LRMDA: variants seen among roughly 807,000 people sequenced by gnomAD.
LRMDA encodes leucine rich melanocyte differentiation associated, also known as leucine-rich melanocyte differentiation-associated protein.
LRMDA carries 18 observed loss-of-function variants against 29.8 expected under a neutral mutation model. That is an observed-to-expected ratio of 0.60 (90% CI 0.42 to 0.90). The LOEUF is 0.90. Ranked by LOEUF, LRMDA falls within the 40% of genes least tolerant of loss-of-function variation. The pLI is 0.00. For missense variants in LRMDA, 273 were observed against 273.9 expected, an observed-to-expected ratio of 1.00 and a Z score of 0.02; for synonymous variants, 125 against 109.4, an observed-to-expected ratio of 1.14 and a Z score of -0.89.
intron 2 of LRMDA, among the ~76,000 whole-genome samples, chr10:75,982,017 G>T (rs570593395): frequency 1.3e-5 from 2 of 152,236 alleles, no homozygotes; most frequent in African/African-American, 4.8e-5. Context: ...GGCCTCCAGT[G>T]TTTCTCTTCT....
chr10:75,856,197 G>T (rs569953696), intron 2 of LRMDA, among the ~76,000 whole-genome samples: 1 of 152,286 alleles, frequency 6.6e-6, no homozygotes, highest in Non-Finnish European at 1.5e-5. Flanking sequence ...CTACCCATGA[G>T]CATGGAATGT....
rs117969589 is a variant in LRMDA at position 75,961,994 on chromosome 10, C to T, written c.132-74014C>T. Among the ~76,000 whole-genome samples the T allele has an allele frequency of 9.1e-4, 139 of 152,248 alleles. No homozygotes were observed. In the East Asian group the frequency reaches 0.014, roughly 16 times the overall value. ...GCCTCCATCTTCACCTGGCATCTCC[C>T]CGTGTGCATGTCTGTATCCAAATCT... On this transcript the variant is annotated intron_variant, in intron 2 of 6. Transcript: ENST00000611255.
chr10:76,441,308 AT>A (rs1462793241), intron 6 of LRMDA, among the ~76,000 whole-genome samples: 2 of 152,212 alleles, frequency 1.3e-5, no homozygotes, highest in South Asian at 2.1e-4. Context: ...TCAGGAGACA[AT>A]GTGGGGTGAC....
intron 6 of LRMDA, among the ~76,000 whole-genome samples, chr10:76,550,747 A>C (rs1456753615): frequency 6.6e-6 from 1 of 152,092 alleles, no homozygotes; most frequent in African/African-American, 2.4e-5. Flanking sequence ...TGAAGGGAAA[A>C]TATACTGGGT....
At chr10:76,353,519 T>G (rs2132435074) in intron 6 of LRMDA, among the ~76,000 whole-genome samples, 1 of 152,276 alleles carries the variant, frequency 6.6e-6, no homozygotes, top group African/African-American at 2.4e-5. Context: ...AGTCTGATGA[T>G]GACACGTTCG....
intron 6 of LRMDA, among the ~76,000 whole-genome samples, chr10:76,324,898 A>G (rs1372166419): frequency 6.6e-6 from 1 of 152,204 alleles, no homozygotes; most frequent in Non-Finnish European, 1.5e-5. Context: ...TGTTATAACT[A>G]AAAGGAATTC....
intron 6 of LRMDA, among the ~76,000 whole-genome samples, chr10:76,500,709 G>T (rs1842903055): frequency 1.3e-5 from 1 of 74,682 alleles, no homozygotes; most frequent in African/African-American, 3.3e-5. Context: ...TTCCTTATTA[G>T]TGATATTAAC....
At chr10:76,206,184 C>T (rs1348401686) in intron 5 of LRMDA, among the ~76,000 whole-genome samples, 2 of 152,174 alleles carry the variant, frequency 1.3e-5, no homozygotes, top group Non-Finnish European at 2.9e-5. Context: ...GCTGCCTCAT[C>T]TCCAGCTACT....
intron 2 of LRMDA, among the ~76,000 whole-genome samples, chr10:76,010,675 C>T (rs1847763935): frequency 6.6e-6 from 1 of 152,192 alleles, no homozygotes; most frequent in Non-Finnish European, 1.5e-5. Context: ...TTTCTTTACC[C>T]TCCCACTCCC....
At chr10:76,228,690 GATATCTCAAAAGGCCAACCTACA>G (rs1852006291) in intron 5 of LRMDA, among the ~76,000 whole-genome samples, 1 of 152,174 alleles carries the variant, frequency 6.6e-6, no homozygotes, top group South Asian at 2.1e-4. Context: ...AACCTGGAAA[GATATCTCAAAAGGCCAACCTACA>G]ATAGTTGTGT....
intron 5 of LRMDA, among the ~76,000 whole-genome samples, chr10:76,180,564 C>T (rs143853311): frequency 0.014 from 2,149 of 152,146 alleles, 50 homozygotes; most frequent in African/African-American, 0.049. Context: ...CAGACATGAG[C>T]CACTGCACCT....
intron 6 of LRMDA, among the ~76,000 whole-genome samples, chr10:76,546,187 A>C (rs1382473840): frequency 6.6e-6 from 1 of 152,206 alleles, no homozygotes; most frequent in Non-Finnish European, 1.5e-5. Context: ...AATGTACTGC[A>C]TACCTACTGT....
intron 6 of LRMDA, among the ~76,000 whole-genome samples, chr10:76,458,694 T>G (rs965101655): frequency 1.3e-5 from 2 of 152,148 alleles, no homozygotes; most frequent in African/African-American, 4.8e-5. Flanking sequence ...ATTGCACTGT[T>G]GTATCATTCA....
chr10:75,896,525 G>A (rs1845585196), intron 2 of LRMDA, among the ~76,000 whole-genome samples: 1 of 152,078 alleles, frequency 6.6e-6, no homozygotes, highest in Non-Finnish European at 1.5e-5. Context: ...GTGGCCTGTG[G>A]CCTGTGGTGT....
At chr10:76,018,136 CA>C (rs1170674755) in intron 2 of LRMDA, among the ~76,000 whole-genome samples, 1 of 152,176 alleles carries the variant, frequency 6.6e-6, no homozygotes. Flanking sequence ...TCAAAGGAAG[CA>C]GAGCAGTTTG....
At chr10:76,025,732 C>A (rs1374043084) in intron 2 of LRMDA, among the ~76,000 whole-genome samples, 3 of 152,154 alleles carry the variant, frequency 2.0e-5, no homozygotes, top group Non-Finnish European at 4.4e-5. Context: ...AAGGTATCAG[C>A]AGATGCTCAA....
chr10:75,745,793 G>A (rs1459938474), intron 2 of LRMDA, among the ~76,000 whole-genome samples: 2 of 152,080 alleles, frequency 1.3e-5, no homozygotes, highest in African/African-American at 4.8e-5. Context: ...CGTTTCTGCC[G>A]GTCTGTGACA....
At chr10:75,730,621 G>A (rs1159305322) in intron 2 of LRMDA, among the ~76,000 whole-genome samples, 1 of 152,120 alleles carries the variant, frequency 6.6e-6, no homozygotes, top group African/African-American at 2.4e-5. Context: ...CATCATTGAA[G>A]GAAATTAAGC....
chr10:76,285,637 C>T (rs1430984829), intron 5 of LRMDA, among the ~76,000 whole-genome samples: 1 of 151,936 alleles, frequency 6.6e-6, no homozygotes, highest in Non-Finnish European at 1.5e-5. Flanking sequence ...TAGCTGGAGA[C>T]TTATAGGCAT....
Sources: allele counts gnomAD v4.1 joint callset (sites outside exome capture counted in the v4.1 genomes callset), GRCh38; gene constraint gnomAD v4.1.1; transcripts MANE v1.5; gene names NCBI Gene and HGNC (gene_info 2026-07-23, HGNC 2026-07-21).